Variants in PCDHA6 observed in about 807,000 individuals in gnomAD.
The protein encoded by PCDHA6 is protocadherin alpha-6.
PCDHA6 carries 55 observed loss-of-function variants against 60.3 expected under a neutral mutation model. The ratio of observed to expected loss-of-function variants is 0.91; its 90% CI spans 0.73 to 1.14. The LOEUF is 1.14. Ranked by LOEUF, PCDHA6 falls within the 50% of genes most tolerant of loss-of-function variation. The probability of loss-of-function intolerance (pLI) is 0.00; values close to 1 mark genes in which losing one functional copy is unlikely to be tolerated. For synonymous variants in PCDHA6, 652 were observed against 557.9 expected (o/e 1.17, Z -2.38); for missense variants, 1,327 against 1,256.5 (o/e 1.06, Z -0.85).
intron 1 of PCDHA6, chr5:140,849,616 T>G: frequency 6.3e-7 from 1 of 1,598,694 alleles, no homozygotes; most frequent in South Asian, 1.1e-5. Context: ...CTGATTAGTG[T>G]GATCGACCTA....
intron 3 of PCDHA6, among the ~76,000 whole-genome samples, chr5:140,986,365 C>T (rs530102099): frequency 2.0e-5 from 3 of 152,194 alleles, no homozygotes; most frequent in Non-Finnish European, 2.9e-5. Flanking sequence ...TGGAGGAATG[C>T]GTTTTGGGGG....
intron 1 of PCDHA6, chr5:140,836,425 G>C (rs2150260582): frequency 1.2e-6 from 2 of 1,613,790 alleles, no homozygotes; most frequent in Non-Finnish European, 1.7e-6. Context: ...GCGTCGTCGC[G>C]GGCATCGTTG....
intron 1 of PCDHA6, chr5:140,877,659 G>A (rs1554169954): frequency 9.3e-6 from 15 of 1,613,500 alleles, no homozygotes; most frequent in Admixed American, 1.7e-5. Flanking sequence ...CGCCCACCGT[G>A]AGCCGGTGCG....
intron 1 of PCDHA6, chr5:140,929,425 A>G (rs2086148550): frequency 6.7e-7 from 1 of 1,496,844 alleles, no homozygotes. Context: ...CATTTCATCA[A>G]TTGAACTAAA....
chr5:140,855,744 T>C, intron 1 of PCDHA6: 1 of 316,692 alleles, frequency 3.2e-6, no homozygotes, highest in Non-Finnish European at 5.8e-6. Context: ...AGACGTAATG[T>C]GAGGCTTTGA....
At chr5:140,951,542 A>AG (rs1554219955) in intron 1 of PCDHA6, among the ~76,000 whole-genome samples, 1 of 151,820 alleles carries the variant, frequency 6.6e-6, no homozygotes, top group African/African-American at 2.4e-5. Context: ...GGAGCAAGGG[A>AG]CGGGGGGAAG....
At chr5:140,857,747 T>A in intron 1 of PCDHA6, 1 of 1,597,058 alleles carries the variant, frequency 6.3e-7, no homozygotes, top group Non-Finnish European at 8.6e-7. Flanking sequence ...GCTGCTGGCG[T>A]CTCCCGCTGG....
intron 1 of PCDHA6, chr5:140,834,674 G>T: frequency 3.7e-6 from 6 of 1,614,248 alleles, no homozygotes; most frequent in Non-Finnish European, 5.1e-6. Flanking sequence ...AGCTGTGCGG[G>T]CGGAGCGCGG....
At chr5:141,002,948 C>A (rs2098104348) in intron 3 of PCDHA6, among the ~76,000 whole-genome samples, 1 of 152,152 alleles carries the variant, frequency 6.6e-6, no homozygotes, top group African/African-American at 2.4e-5. Flanking sequence ...CAGCACATGC[C>A]CCTCTGAGAG....
At chr5:140,954,623 G>C (rs1277762311) in intron 1 of PCDHA6, among the ~76,000 whole-genome samples, 2 of 151,776 alleles carry the variant, frequency 1.3e-5, no homozygotes, top group African/African-American at 4.8e-5. Flanking sequence ...GGCTTGTTTG[G>C]GTTTTTCTTG....
At chr5:140,967,479 C>T (rs782390272) in intron 1 of PCDHA6, 7 of 1,613,262 alleles carry the variant, frequency 4.3e-6, no homozygotes, top group East Asian at 2.2e-5. Context: ...CCAGCCCGCT[C>T]GGGTACGGCA....
intron 1 of PCDHA6, chr5:140,866,269 TAAAG>T (rs2049248752): frequency 2.6e-5 from 4 of 152,174 alleles, no homozygotes; most frequent in Admixed American, 2.6e-4. Context: ...TTACTGTGAA[TAAAG>T]ACAGTGTTTG....
Position 140,998,902 on chromosome 5 carries a change from C to T in PCDHA6, c.2543-10725C>T, listed in dbSNP as rs148715237. On this transcript the variant is annotated intron_variant, in intron 3 of 3. Coordinates refer to ENST00000529310, the MANE Select transcript of PCDHA6 (RefSeq NM_018909.4). ...TTAGTTGAATAAATAACAATGCCTC[C>T]GGGAGGTAGCTATTATATCCATTTT... Among the ~76,000 whole-genome samples the T allele has an allele frequency of 4.2e-3, 632 of 152,216 alleles. 5 individuals are homozygous for T. Among genetic ancestry groups the T allele is most frequent in the African/African-American group, 0.014 (572 of 41,540 alleles).
intron 1 of PCDHA6, chr5:140,860,073 G>A (rs1441059020): frequency 4.0e-5 from 6 of 151,782 alleles, no homozygotes; most frequent in African/African-American, 1.5e-4. Flanking sequence ...AGGATGGTTT[G>A]AGGCCAGGAG....
In PCDHA6 at chr5:140,841,685, G is replaced by A. The variant is rs1332759626; in HGVS notation, c.2394+11200G>A. ...GCTGCAGGTTTTCCATGTGGACGTG[G>A]AGGTGAAGGATGTTAATGACAACCC... On this transcript the variant is annotated intron_variant, in intron 1 of 3. Transcript: ENST00000529310. 1.9e-6 allele frequency: 3 copies of A among 1,613,960 alleles called. No individual in the cohort carries two copies. The Admixed American group carries it at 5.0e-5, about 27-fold the overall frequency.
intron 1 of PCDHA6, among the ~76,000 whole-genome samples, chr5:140,840,117 TG>T (rs1426116905): frequency 6.6e-6 from 1 of 151,944 alleles, no homozygotes; most frequent in African/African-American, 2.4e-5. Flanking sequence ...GAGTGAAAGC[TG>T]TACTAATAAG....
intron 3 of PCDHA6, among the ~76,000 whole-genome samples, chr5:141,008,156 G>A (rs1231186640): frequency 6.6e-6 from 1 of 152,150 alleles, no homozygotes; most frequent in Non-Finnish European, 1.5e-5. Context: ...GGTTTGATAA[G>A]ATGAGGACTA....
chr5:140,992,798 CAT>C (rs1554253202), intron 3 of PCDHA6, among the ~76,000 whole-genome samples: 1 of 152,076 alleles, frequency 6.6e-6, no homozygotes, highest in African/African-American at 2.4e-5. Context: ...TTTATGGATC[CAT>C]ATGTATCTAA....
chr5:140,883,726 G>A, intron 1 of PCDHA6: 2 of 1,613,590 alleles, frequency 1.2e-6, no homozygotes, highest in Non-Finnish European at 1.7e-6. Context: ...ACGCACAGGA[G>A]AACGCGCTGG....
Sources: allele counts gnomAD v4.1 joint callset (sites outside exome capture counted in the v4.1 genomes callset), GRCh38; gene constraint gnomAD v4.1.1; transcripts MANE v1.5; gene names NCBI Gene and HGNC (gene_info 2026-07-23, HGNC 2026-07-21).